Variants in RASGRP2 observed in about 807,000 individuals in gnomAD.
RASGRP2 encodes RAS guanyl releasing protein 2, also known as RAS guanyl-releasing protein 2.
In RASGRP2, 44 loss-of-function variants were observed where a neutral mutation model predicts 71.0. The observed-to-expected ratio is 0.62, with a 90% CI of 0.49 to 0.80. The LOEUF (loss-of-function observed/expected upper bound fraction) is 0.80. Ranked by LOEUF, RASGRP2 falls within the 30% of genes least tolerant of loss-of-function variation. RASGRP2 has a pLI of 0.00. For synonymous variants in RASGRP2, 350 were observed against 330.7 expected, an observed-to-expected ratio of 1.06 and a Z score of -0.63; for missense variants, 663 against 813.4, an observed-to-expected ratio of 0.82 and a Z score of 2.25.
chr11:64,743,408 A>T lies in RASGRP2; in HGVS notation c.-71-471T>A, dbSNP rs1193289196. On this transcript the variant is annotated intron_variant, in intron 1 of 16. Transcript: ENST00000394432. The surrounding 1 kb of genome is among the most constrained non-coding windows in gnomAD (Gnocchi z 4.9). The stretch of plus-strand genomic sequence containing the variant: ...TCCCTGGTATGGGAGGTGGGGGGAG[A>T]GAACCCAGGCGTCCTGCCCGCCTCG... The T allele has an allele frequency of 3.6e-5, 13 of 363,570 alleles. No homozygotes were observed. Among genetic ancestry groups the T allele is most frequent in the Non-Finnish European group, 6.0e-5 (11 of 183,454 alleles). The allele number at this position is 363,570 out of a possible 1,614,324, so 22.5% of individuals were successfully genotyped here. A position where few individuals can be genotyped will look rare whatever the true frequency, so the allele number is the denominator to read the frequency against.
At position 64,743,930 on chromosome 11, in the gene RASGRP2, C is replaced by T. The variant is rs2058227541; in HGVS notation, c.-72+73G>A. On this transcript the variant is annotated intron_variant, in intron 1 of 16. Transcript: ENST00000394432. This position sits in a 1 kb window ranked among gnomAD's most constrained non-coding sequence, Gnocchi z 4.9. ...CGGGCCACAGGCACCGGCCTCCCAT[C>T]CTCCGTCTCTCACACACAATGGCAC... 7 of 989,282 alleles carry T rather than the reference C, an allele frequency of 7.1e-6. No individual in the cohort carries two copies. In the South Asian group the frequency reaches 2.1e-4, roughly 30 times the overall value. The allele number at this position is 989,282 out of a possible 1,614,324, so 61.3% of individuals were successfully genotyped here.
In RASGRP2 at chr11:64,739,799, T is replaced by C. The variant is rs1171997172; in HGVS notation, c.533A>G (p.Tyr178Cys). ...RSFCKILFQDYHSFVTHGCTV... is the reference protein window; with the variant it reads ...RSFCKILFQDCHSFVTHGCTV... Reference sequence around the variant, plus strand: ...GCAGCCATGAGTCACGAAACTGTGATAGTCCTGAAACTGGGGGCATGAGGA... The same window carrying C: ...GCAGCCATGAGTCACGAAACTGTGACAGTCCTGAAACTGGGGGCATGAGGA... The change falls in exon 7 of 17, where the codon TAT becomes TGT. Residue 178 changes from tyrosine (Y) to cysteine (C), a missense_variant. Transcript: ENST00000394432. This position sits in a 1 kb window ranked among gnomAD's most constrained non-coding sequence, Gnocchi z 4.2. 6.2e-7 allele frequency: 1 copy of C among 1,613,670 alleles called. No homozygotes were observed. The highest frequency in any genetic ancestry group is 8.5e-7 in the Non-Finnish European group (1 of 1,179,918).
chr11:64,728,763 G>T, intron 15 of RASGRP2, 100 bp downstream of exon 15: 1 of 1,261,664 alleles, frequency 7.9e-7, no homozygotes, highest in South Asian at 1.5e-5. Context: ...ACCACAAAAA[G>T]AGAATTATGC....
chr11:64,737,117 G>A, intron 8 of RASGRP2, 83 bp from the exon 9 acceptor site: 1 of 1,551,400 alleles, frequency 6.4e-7, no homozygotes, highest in Non-Finnish European at 8.8e-7. Context: ...GGGTGAGGAG[G>A]AGTCAGGGTC....
At chr11:64,728,228 G>A (rs1040175202) in intron 15 of RASGRP2, among the ~76,000 whole-genome samples, 3 of 152,178 alleles carry the variant, frequency 2.0e-5, no homozygotes, top group Non-Finnish European at 2.9e-5. Flanking sequence ...CAGCCAGAAA[G>A]GGAAAGGCAA....
intron 15 of RASGRP2, among the ~76,000 whole-genome samples, chr11:64,727,692 T>C (rs541284149): frequency 1.3e-5 from 2 of 152,116 alleles, no homozygotes; most frequent in African/African-American, 4.8e-5. Flanking sequence ...TTTGTATTTT[T>C]GTATTGTAGA....
At position 64,742,979 on chromosome 11, in the gene RASGRP2, G is replaced by A. The variant is rs751310715; in HGVS notation, c.-71-42C>T. The A allele has an allele frequency of 6.6e-7, 1 of 1,507,948 alleles. No individual in the cohort carries two copies. The highest frequency in any genetic ancestry group is 8.8e-7 in the Non-Finnish European group (1 of 1,132,786). 93.4% of individuals were successfully genotyped at this position (1,507,948 alleles called of 1,614,324 possible). On this transcript the variant is annotated intron_variant, in intron 1 of 16. Coordinates refer to ENST00000394432, the MANE Select transcript of RASGRP2 (RefSeq NM_001098671.2). This position sits in a 1 kb window ranked among gnomAD's most constrained non-coding sequence, Gnocchi z 4.7. ...AGAGCGGGAGTCTGCGGAGTCGCGG[G>A]CGGGGGAGCGGCCCCGCGGGCAGAA... is the stretch of plus-strand genomic sequence containing the variant.
chr11:64,727,657 C>T (rs1384768119), intron 15 of RASGRP2, among the ~76,000 whole-genome samples: 1 of 151,958 alleles, frequency 6.6e-6, no homozygotes, highest in Non-Finnish European at 1.5e-5. Context: ...GGATTACAGG[C>T]GCCTGCCACC....
intron 14 of RASGRP2, among the ~76,000 whole-genome samples, chr11:64,729,286 C>T (rs2135726378): frequency 6.6e-6 from 1 of 152,236 alleles, no homozygotes; most frequent in South Asian, 2.1e-4. Flanking sequence ...ACTCCCTTCA[C>T]ATCAGTCATC....
At position 64,739,908 on chromosome 11, in the gene RASGRP2, C is replaced by T; in HGVS notation, c.523-99G>A. 6.2e-7 allele frequency: 1 copy of T among 1,605,176 alleles called. No individual in the cohort carries two copies. The highest frequency in any genetic ancestry group is 8.5e-7 in the Non-Finnish European group (1 of 1,174,550). ...CTGACCTTCAGTGGTTACACTGAAA[C>T]CCCTGATGCACCCTGTGACCCAGCC... is the stretch of plus-strand genomic sequence containing the variant. On this transcript the variant is annotated intron_variant, in intron 6 of 16. Transcript: ENST00000394432. This position sits in a 1 kb window ranked among gnomAD's most constrained non-coding sequence, Gnocchi z 4.2.
intron 12 of RASGRP2, among the ~76,000 whole-genome samples, chr11:64,730,550 G>A (rs1283511324): frequency 6.6e-6 from 1 of 152,230 alleles, no homozygotes; most frequent in Non-Finnish European, 1.5e-5. Context: ...CCCTCAGCAG[G>A]GAGAACTCTC....
At chr11:64,728,310 T>C (rs1309195417) in intron 15 of RASGRP2, among the ~76,000 whole-genome samples, 1 of 152,210 alleles carries the variant, frequency 6.6e-6, no homozygotes, top group Non-Finnish European at 1.5e-5. Context: ...GTAACTGGAA[T>C]CTTGAAGCCT....
In RASGRP2 at chr11:64,728,961, T is replaced by C. The variant is rs911410083; in HGVS notation, c.1673A>G (p.Glu558Gly). The change falls in exon 15 of 17, where the codon GAG (glutamate) becomes GGG (glycine). Residue 558 changes from glutamate (E) to glycine (G), a missense_variant. Transcript: ENST00000394432. ...GGGTGAGGGTGAGGGTGCAGACCCC[T>C]CCAGGCTCACACTCTGGGCCCTGCG... ...CRRRAQSVSL[E>G]GSAPSPSPMH... 6.2e-7 allele frequency: 1 copy of C among 1,611,846 alleles called. No homozygotes were observed. The highest frequency in any genetic ancestry group is 8.5e-7 in the Non-Finnish European group (1 of 1,179,650).
rs918977309 is a variant in RASGRP2, at chr11:64,735,417, C to T, written c.1296+125G>A. ...CTTCAGCCCCGTGCAGCTGGCCTGCCAGGCCCTGTGACTCCTAGGGGCTGA... is the reference window on the plus strand; with the variant it reads ...CTTCAGCCCCGTGCAGCTGGCCTGCTAGGCCCTGTGACTCCTAGGGGCTGA... On this transcript the variant is annotated intron_variant, in intron 11 of 16. Transcript: ENST00000394432. This position sits in a 1 kb window ranked among gnomAD's most constrained non-coding sequence, Gnocchi z 4.2. 1.3e-6 allele frequency: 2 copies of T among 1,557,076 alleles called. No homozygotes were observed. Among genetic ancestry groups the T allele is most frequent in the African/African-American group, 1.3e-5 (1 of 74,102 alleles).
rs2058230664 is a variant in RASGRP2 at position 64,744,048 on chromosome 11, C to T, written c.-117G>A. 1.0e-6 allele frequency: 1 copy of T among 988,384 alleles called. No individual in the cohort carries two copies. The highest frequency in any genetic ancestry group is 1.7e-5 in the African/African-American group (1 of 57,260). The allele number at this position is 988,384 out of a possible 1,614,324, so 61.2% of individuals were successfully genotyped here. A position where few individuals can be genotyped will look rare whatever the true frequency, so the allele number is the denominator to read the frequency against. On this transcript the variant is annotated 5_prime_UTR_variant, in exon 1 of 17. Coordinates refer to ENST00000394432, the MANE Select transcript of RASGRP2 (RefSeq NM_001098671.2). ...TGCAAACCCGCGGACGAGGTCGCCT[C>T]CTGGACGTGCTGTTCACTTGAGCCA...
intron 9 of RASGRP2, 98 bp from the exon 10 acceptor site, chr11:64,736,078 C>G: frequency 1.1e-6 from 1 of 933,130 alleles, no homozygotes; most frequent in East Asian, 2.5e-5. Flanking sequence ...CAGCTCAGAG[C>G]TCGGGTCAGA....
chr11:64,729,410 C>T (rs1249189119), intron 14 of RASGRP2, among the ~76,000 whole-genome samples: 1 of 151,346 alleles, frequency 6.6e-6, no homozygotes, highest in African/African-American at 2.4e-5. Context: ...GATCTCGGCT[C>T]ACTGCAAACC....
intron 12 of RASGRP2, among the ~76,000 whole-genome samples, chr11:64,733,395 A>AACACACACAC (rs4014428): frequency 4.4e-4 from 55 of 124,898 alleles, no homozygotes; most frequent in Admixed American, 1.8e-3. Flanking sequence ...CCCCCTCACC[A>AACACACACAC]ACACACACAC....
rs759209716 is a variant in RASGRP2, at chr11:64,740,104, C to G, written c.431G>C (p.Arg144Pro). Residue 144 changes from arginine to proline, a missense_variant, in exon 6 of 17, where the codon CGC (arginine) becomes CCC (proline). By Grantham distance (103) the Arg-to-Pro change is moderately radical (BLOSUM62 -2). Coordinates refer to ENST00000394432, the MANE Select transcript of RASGRP2 (RefSeq NM_001098671.2). ...GTGGTCAAACAACAGGGACATCTTG[C>G]GCTTTTTCTGTCCCACAGGGTTCCG... Reference protein sequence around the residue: ...TQRNPVGQKKRKMSLLFDHLE... With the variant: ...TQRNPVGQKKPKMSLLFDHLE... 1 of 1,614,012 alleles carries G rather than the reference C, an allele frequency of 6.2e-7. No individual in the cohort carries two copies.
Sources: gnomAD v4.1 joint callset for allele counts (sites outside exome capture counted in the v4.1 genomes callset) on GRCh38, gnomAD v4.1.1 for gene constraint, Gnocchi (gnomAD v3.1) non-coding constraint, MANE v1.5 for transcripts, NCBI Gene and HGNC (gene_info 2026-07-23, HGNC 2026-07-21) for gene names.